The following PRKG1 variants were observed in gnomAD, a reference collection of about 807,000 sequenced individuals.
The protein encoded by PRKG1 is cGMP-dependent protein kinase 1.
A neutral mutation model predicts 88.1 loss-of-function variants in PRKG1; 35 were observed. The ratio of observed to expected loss-of-function variants is 0.40; its 90% CI spans 0.30 to 0.53. The LOEUF (loss-of-function observed/expected upper bound fraction) is 0.53. Among genes scored for constraint, PRKG1 ranks in the 20% least tolerant of loss-of-function variants. The probability of loss-of-function intolerance (pLI) is 0.59; values close to 1 mark genes in which losing one functional copy is unlikely to be tolerated. For synonymous variants in PRKG1, 303 were observed against 292.5 expected (o/e 1.04, Z -0.37); for missense variants, 540 against 839.8 (o/e 0.64, Z 4.41).
intron 9 of PRKG1, among the ~76,000 whole-genome samples, chr10:52,176,657 T>A (rs1244119618): frequency 6.6e-6 from 1 of 152,180 alleles, no homozygotes; most frequent in Non-Finnish European, 1.5e-5. Context: ...GAGTATAAGA[T>A]GTCTTTCAGT....
At chr10:52,060,301 A>C (rs1308988932) in intron 6 of PRKG1, among the ~76,000 whole-genome samples, 2 of 151,892 alleles carry the variant, frequency 1.3e-5, no homozygotes, top group Non-Finnish European at 3.0e-5. Flanking sequence ...TTAAAAGATA[A>C]TTGGGATAAT....
At chr10:51,817,103 G>A (rs888621333) in intron 4 of PRKG1, among the ~76,000 whole-genome samples, 4 of 152,008 alleles carry the variant, frequency 2.6e-5, no homozygotes, top group African/African-American at 4.8e-5. Context: ...TTTTATGTGC[G>A]TTGAACTCTG....
At chr10:51,804,797 C>A in intron 4 of PRKG1, 107 bp downstream of exon 4, 1 of 713,758 alleles carries the variant, frequency 1.4e-6, no homozygotes, top group East Asian at 2.7e-5. Flanking sequence ...TTCTCTCAGT[C>A]ATAATAGTCT....
In PRKG1 at chr10:51,380,441, T is replaced by A. The variant is rs551353920; in HGVS notation, c.479-87282T>A. 2.0e-5 allele frequency among the ~76,000 whole-genome samples: 3 copies of A among 152,322 alleles called. No homozygotes were observed. In the South Asian group the frequency reaches 6.2e-4, roughly 32 times the overall value. On this transcript the variant is annotated intron_variant, in intron 2 of 17. Transcript: ENST00000373980. ...GAGATTTTTTTGTTTCTATTTTGTT[T>A]ATTTCTCTATCATCCTAATTAGAAA...
chr10:51,546,549 C>T (rs997430105), intron 3 of PRKG1, among the ~76,000 whole-genome samples: 1 of 152,058 alleles, frequency 6.6e-6, no homozygotes, highest in Non-Finnish European at 1.5e-5. Flanking sequence ...GTATATGCTA[C>T]AAATAGTTTA....
intron 4 of PRKG1, among the ~76,000 whole-genome samples, chr10:51,843,429 T>C (rs1289217676): frequency 6.6e-6 from 1 of 152,216 alleles, no homozygotes; most frequent in African/African-American, 2.4e-5. Context: ...TCTAGTTTAA[T>C]AGCCTATGTA....
chr10:51,483,478 A>T (rs1219881351), intron 3 of PRKG1, among the ~76,000 whole-genome samples: 1 of 151,980 alleles, frequency 6.6e-6, no homozygotes, highest in Non-Finnish European at 1.5e-5. Context: ...TAGTTCCTTT[A>T]TTATTTGTAT....
At chr10:51,207,673 C>A (rs1185461952) in intron 2 of PRKG1, among the ~76,000 whole-genome samples, 2 of 152,018 alleles carry the variant, frequency 1.3e-5, no homozygotes, top group Non-Finnish European at 2.9e-5. Flanking sequence ...TGTGATGATC[C>A]AAACGTTCCT....
chr10:51,273,343 T>G (rs1221466892), intron 2 of PRKG1, among the ~76,000 whole-genome samples: 1 of 125,238 alleles, frequency 8.0e-6, no homozygotes, highest in Non-Finnish European at 1.6e-5. Flanking sequence ...AAACTCCATC[T>G]CTTCCAAAAA....
intron 1 of PRKG1, among the ~76,000 whole-genome samples, chr10:51,063,390 C>T (rs1843713885): frequency 6.6e-6 from 1 of 152,172 alleles, no homozygotes; most frequent in African/African-American, 2.4e-5. Flanking sequence ...TAGCGTATTG[C>T]TCCCAAGCTA....
At chr10:51,306,254 C>T (rs1362735395) in intron 2 of PRKG1, among the ~76,000 whole-genome samples, 1 of 152,124 alleles carries the variant, frequency 6.6e-6, no homozygotes. Flanking sequence ...ACCCAAATTT[C>T]ATAGTTGACT....
chr10:52,215,329 G>T (rs1383688819), intron 9 of PRKG1, among the ~76,000 whole-genome samples: 1 of 151,470 alleles, frequency 6.6e-6, no homozygotes, highest in Non-Finnish European at 1.5e-5. Flanking sequence ...GGAAGGTGGA[G>T]GTTGCAGTGA....
At chr10:51,614,485 G>A (rs537565573) in intron 3 of PRKG1, among the ~76,000 whole-genome samples, 14 of 151,318 alleles carry the variant, frequency 9.3e-5, no homozygotes, top group African/African-American at 1.2e-4. Context: ...AATGTATTCC[G>A]CCAGTCTATA....
rs79815934 is a variant in PRKG1 at position 52,159,396 on chromosome 10, C to T, written c.1002-2493C>T. On this transcript the variant is annotated intron_variant, in intron 8 of 17. Coordinates refer to ENST00000373980, the MANE Select transcript of PRKG1 (RefSeq NM_006258.4). The stretch of plus-strand genomic sequence containing the variant: ...TTATACTTCAAATACTACTTTTGTT[C>T]GTTGTTTTTTAATGTGATACTTGTC... Among the ~76,000 whole-genome samples, 371 of 151,310 alleles carry T rather than the reference C, an allele frequency of 2.5e-3. 1 individual carries two copies. Among genetic ancestry groups the T allele is most frequent in the African/African-American group, 8.5e-3 (351 of 41,394 alleles).
chr10:51,078,334 G>T (rs1376240752), intron 1 of PRKG1, among the ~76,000 whole-genome samples: 1 of 150,326 alleles, frequency 6.7e-6, no homozygotes, highest in Non-Finnish European at 1.5e-5. Flanking sequence ...CTCTCCCATC[G>T]CAGCCTCCTG....
chr10:52,200,103 G>T (rs1229364524), intron 9 of PRKG1, among the ~76,000 whole-genome samples: 3 of 151,914 alleles, frequency 2.0e-5, no homozygotes, highest in African/African-American at 7.3e-5. Context: ...GTGCAAGTTT[G>T]TTATGTAGGT....
At chr10:51,279,662 GGTTTACAGTCTGTTTTAT>G (rs1393520767) in intron 2 of PRKG1, among the ~76,000 whole-genome samples, 1 of 152,116 alleles carries the variant, frequency 6.6e-6, no homozygotes, top group African/African-American at 2.4e-5. Context: ...GATCTTTGTT[GGTTTACAGTCTGTTTTAT>G]CAGAGACTAG....
At chr10:51,821,894 A>C (rs926958355) in intron 4 of PRKG1, among the ~76,000 whole-genome samples, 1 of 152,048 alleles carries the variant, frequency 6.6e-6, no homozygotes, top group African/African-American at 2.4e-5. Context: ...AACAGTATGG[A>C]GCTTCCTCAA....
At chr10:51,167,987 C>T (rs1331826751) in intron 2 of PRKG1, among the ~76,000 whole-genome samples, 1 of 152,084 alleles carries the variant, frequency 6.6e-6, no homozygotes, top group Non-Finnish European at 1.5e-5. Context: ...TTACATACAT[C>T]AGATTAAATG....
Sources: gnomAD v4.1 joint callset for allele counts (sites outside exome capture counted in the v4.1 genomes callset) on GRCh38, gnomAD v4.1.1 for gene constraint, MANE v1.5 for transcripts, NCBI Gene and HGNC (gene_info 2026-07-23, HGNC 2026-07-21) for gene names.